The following KHDRBS2 variants were observed in gnomAD, a reference collection of about 807,000 sequenced individuals.
KHDRBS2 encodes the protein KH domain-containing, RNA-binding, signal transduction-associated protein 2.
A neutral mutation model predicts 44.3 loss-of-function variants in KHDRBS2; 26 were observed. That is an observed-to-expected ratio of 0.59 (90% CI 0.43 to 0.81). KHDRBS2 has a LOEUF of 0.81. Ranked by LOEUF, KHDRBS2 falls within the 40% of genes least tolerant of loss-of-function variation. The pLI is 0.00. For missense variants in KHDRBS2, 476 were observed against 433.1 expected (o/e 1.10, Z -0.88); for synonymous variants, 194 against 151.1 (o/e 1.28, Z -2.08).
chr6:61,609,482 T>C, the KHDRBS2 span, among the ~76,000 whole-genome samples: 3 of 152,256 alleles, frequency 2.0e-5, no homozygotes, highest in African/African-American at 7.2e-5. Context: ...CTTTCCAAGA[T>C]TGCTTCTAGT....
chr6:61,871,620 C>T (rs1289530761), intron 6 of KHDRBS2, among the ~76,000 whole-genome samples: 2 of 152,084 alleles, frequency 1.3e-5, no homozygotes, highest in Non-Finnish European at 2.9e-5. Flanking sequence ...TTTGAGCTAC[C>T]CTCAAAGGGA....
intron 6 of KHDRBS2, among the ~76,000 whole-genome samples, chr6:61,808,304 A>C (rs1488377102): frequency 6.6e-6 from 1 of 152,124 alleles, no homozygotes; most frequent in Non-Finnish European, 1.5e-5. Flanking sequence ...GATATGTAGA[A>C]ATTGATACTA....
chr6:62,182,150 TTG>T (rs1355910853), intron 1 of KHDRBS2, among the ~76,000 whole-genome samples: 3 of 152,036 alleles, frequency 2.0e-5, no homozygotes, highest in Non-Finnish European at 4.4e-5. Context: ...GCCTCTAGAA[TTG>T]TGAGAAATAA....
chr6:61,613,427 G>A, the KHDRBS2 span, among the ~76,000 whole-genome samples: 2 of 152,138 alleles, frequency 1.3e-5, no homozygotes, highest in African/African-American at 4.8e-5. Context: ...AACCTAGTCT[G>A]TTACCCTTAT....
At chr6:61,552,269 T>C in the KHDRBS2 span, among the ~76,000 whole-genome samples, 2 of 151,956 alleles carry the variant, frequency 1.3e-5, no homozygotes, top group African/African-American at 4.8e-5. Context: ...ATTCTTTTTA[T>C]GGTTATTGTG....
At chr6:61,881,156 T>A (rs1323843620) in intron 6 of KHDRBS2, among the ~76,000 whole-genome samples, 63 of 151,936 alleles carry the variant, frequency 4.1e-4, no homozygotes, top group Admixed American at 4.1e-3. Flanking sequence ...TAGAAAATCC[T>A]GAACCTCAGA....
At chr6:62,158,197 T>TAC (rs929182515) in intron 2 of KHDRBS2, among the ~76,000 whole-genome samples, 12 of 152,322 alleles carry the variant, frequency 7.9e-5, no homozygotes, top group African/African-American at 2.9e-4. Context: ...TCTGTTTTAT[T>TAC]ACACACACAT....
intron 4 of KHDRBS2, among the ~76,000 whole-genome samples, chr6:61,925,849 G>A (rs970399517): frequency 2.3e-4 from 35 of 152,118 alleles, no homozygotes; most frequent in Admixed American, 1.8e-3. Flanking sequence ...TGCTGCAATA[G>A]TAACAGATGG....
chr6:62,189,834 A>G (rs1824221924), intron 1 of KHDRBS2, among the ~76,000 whole-genome samples: 1 of 152,168 alleles, frequency 6.6e-6, no homozygotes, highest in South Asian at 2.1e-4. Flanking sequence ...GACTGGCAGA[A>G]GAACAGGCTT....
At chr6:62,152,245 G>A (rs1037357792) in intron 2 of KHDRBS2, among the ~76,000 whole-genome samples, 4 of 152,124 alleles carry the variant, frequency 2.6e-5, no homozygotes, top group Admixed American at 6.5e-5. Context: ...CTTGAACCCG[G>A]GAGGCAGAGG....
intron 7 of KHDRBS2, among the ~76,000 whole-genome samples, chr6:61,717,347 A>G (rs1280392424): frequency 6.6e-6 from 1 of 152,020 alleles, no homozygotes; most frequent in Non-Finnish European, 1.5e-5. Context: ...AGAACTAAAA[A>G]AGAGAGAGAG....
At chr6:61,994,979 G>A (rs768000628) in intron 3 of KHDRBS2, among the ~76,000 whole-genome samples, 36 of 152,066 alleles carry the variant, frequency 2.4e-4, no homozygotes, top group Non-Finnish European at 3.4e-4. Flanking sequence ...AAGAAAGCCC[G>A]CGTGGCTTGA....
intron 1 of KHDRBS2, among the ~76,000 whole-genome samples, chr6:62,180,283 T>C (rs1343622466): frequency 1.3e-5 from 2 of 151,912 alleles, no homozygotes; most frequent in African/African-American, 2.4e-5. Flanking sequence ...TGATCTGATA[T>C]GTAGGAAACG....
At chr6:62,205,647 G>GACT (rs1268443419) in intron 1 of KHDRBS2, among the ~76,000 whole-genome samples, 1 of 152,104 alleles carries the variant, frequency 6.6e-6, no homozygotes, top group East Asian at 1.9e-4. Context: ...GAAAAGAAAA[G>GACT]AGTAGAGATG....
rs545506434 is a variant in KHDRBS2, at chr6:61,995,719, G to A, written c.337-17507C>T. 1.2e-3 allele frequency among the ~76,000 whole-genome samples: 178 copies of A among 152,092 alleles called. 1 individual carries two copies. Among genetic ancestry groups the A allele is most frequent in the Non-Finnish European group, 1.9e-3 (131 of 67,980 alleles). ...AGTTATTTTAACTAAGAGTGGGGAA[G>A]GATATTGAAGATATATGAGGAGGGT... On this transcript the variant is annotated intron_variant, in intron 3 of 8. Coordinates refer to ENST00000281156, the MANE Select transcript of KHDRBS2 (RefSeq NM_152688.4).
intron 2 of KHDRBS2, among the ~76,000 whole-genome samples, chr6:62,137,125 T>A (rs920889169): frequency 6.0e-5 from 9 of 149,020 alleles, no homozygotes; most frequent in African/African-American, 2.0e-4. Flanking sequence ...CTCAGCCTCC[T>A]GAGTAGCTGG....
the KHDRBS2 span, among the ~76,000 whole-genome samples, chr6:61,592,139 C>A: frequency 7.2e-6 from 1 of 138,550 alleles, no homozygotes; most frequent in Admixed American, 8.1e-5. Context: ...TGCAGCGAGG[C>A]ATGATTGTGT....
At chr6:62,070,950 C>G (rs1420888801) in intron 2 of KHDRBS2, among the ~76,000 whole-genome samples, 2 of 152,092 alleles carry the variant, frequency 1.3e-5, no homozygotes, top group African/African-American at 4.8e-5. Context: ...GTTTACAGTC[C>G]CACCAACAGT....
intron 2 of KHDRBS2, among the ~76,000 whole-genome samples, chr6:62,169,459 A>G (rs528108020): frequency 6.6e-6 from 1 of 152,158 alleles, no homozygotes; most frequent in African/African-American, 2.4e-5. Context: ...TACTGCTCTC[A>G]TGGAGAGGAA....
Sources: gnomAD v4.1 joint callset for allele counts (sites outside exome capture counted in the v4.1 genomes callset) on GRCh38, gnomAD v4.1.1 for gene constraint, MANE v1.5 for transcripts, NCBI Gene and HGNC (gene_info 2026-07-23, HGNC 2026-07-21) for gene names.